DCC: variants seen among roughly 807,000 people sequenced by gnomAD.
DCC encodes DCC netrin 1 receptor.
Under a neutral mutation model 172.5 loss-of-function variants are expected in DCC, and 58 were observed. The observed-to-expected ratio is 0.34, with a 90% CI of 0.27 to 0.42. The LOEUF is 0.42. Among genes scored for constraint, DCC ranks in the 10% least tolerant of loss-of-function variants. The pLI, the probability that DCC is intolerant of heterozygous loss-of-function variation, is 1.00. For missense variants in DCC, 1,740 were observed against 1,791.0 expected (o/e 0.97, Z 0.51); for synonymous variants, 709 against 644.5 (o/e 1.10, Z -1.52).
At chr18:52,739,491 TA>T in intron 1 of DCC, among the ~76,000 whole-genome samples, 1 of 152,232 alleles carries the variant, frequency 6.6e-6, no homozygotes, top group South Asian at 2.1e-4. Context: ...TTCTCAAAAA[TA>T]TGATCTGCAA....
intron 5 of DCC, among the ~76,000 whole-genome samples, chr18:52,932,210 C>G (rs1235655691): frequency 6.6e-6 from 1 of 152,092 alleles, no homozygotes; most frequent in Admixed American, 6.6e-5. Flanking sequence ...TTCTTATGTT[C>G]AATACGTCCA....
intron 14 of DCC, among the ~76,000 whole-genome samples, chr18:53,332,556 A>G (rs2144851160): frequency 6.6e-6 from 1 of 152,304 alleles, no homozygotes; most frequent in South Asian, 2.1e-4. Flanking sequence ...GAACAAGAAT[A>G]AAACCTATAT....
chr18:52,524,245 A>G (rs954832730), intron 1 of DCC, among the ~76,000 whole-genome samples: 1 of 152,248 alleles, frequency 6.6e-6, no homozygotes, highest in Non-Finnish European at 1.5e-5. Context: ...AGAAGCTTCA[A>G]TAGTATGTTT....
intron 12 of DCC, among the ~76,000 whole-genome samples, chr18:53,266,370 A>AT (rs1360847108): frequency 5.3e-5 from 8 of 151,978 alleles, no homozygotes; most frequent in Non-Finnish European, 1.2e-4. Flanking sequence ...CACTTAATAC[A>AT]TTTTTTTATT....
chr18:53,264,582 G>A (rs1167293730), intron 12 of DCC, among the ~76,000 whole-genome samples: 3 of 151,846 alleles, frequency 2.0e-5, no homozygotes, highest in Non-Finnish European at 2.9e-5. Context: ...TGTGATTAAC[G>A]GTCCTCTTCC....
intron 2 of DCC, among the ~76,000 whole-genome samples, chr18:52,815,729 A>G (rs910376451): frequency 4.6e-5 from 7 of 152,238 alleles, no homozygotes; most frequent in Admixed American, 6.5e-5. Flanking sequence ...CATAAAAGCT[A>G]AAACATCAAT....
chr18:53,330,440 C>T (rs986411817), intron 14 of DCC, among the ~76,000 whole-genome samples: 2 of 152,174 alleles, frequency 1.3e-5, no homozygotes, highest in Non-Finnish European at 2.9e-5. Context: ...TCCACACCCA[C>T]CACCACACTT....
At chr18:53,049,633 G>A (rs544150029) in intron 5 of DCC, among the ~76,000 whole-genome samples, 10 of 152,076 alleles carry the variant, frequency 6.6e-5, no homozygotes, top group South Asian at 6.2e-4. Flanking sequence ...CTCCAGCTTC[G>A]TTCTTTCTGC....
chr18:52,949,883 C>T (rs1265434015), intron 5 of DCC, among the ~76,000 whole-genome samples: 1 of 152,158 alleles, frequency 6.6e-6, no homozygotes, highest in Non-Finnish European at 1.5e-5. Context: ...TCTTTAGTCT[C>T]AATTTGAGTT....
rs549649973 is a variant in DCC at position 53,192,303 on chromosome 18, T to G, written c.1574-12913T>G. On this transcript the variant is annotated intron_variant, in intron 9 of 28. Coordinates refer to ENST00000442544, the MANE Select transcript of DCC (RefSeq NM_005215.4). ...TACCTGGGTTCATTGTTACTGGAATTTTTATTGTTGCTGCTATTGGGAAAG... is the reference window on the plus strand; with the variant it reads ...TACCTGGGTTCATTGTTACTGGAATGTTTATTGTTGCTGCTATTGGGAAAG... 5.9e-5 allele frequency among the ~76,000 whole-genome samples: 9 copies of G among 152,314 alleles called. No homozygotes were observed. In the East Asian group the frequency reaches 1.7e-3, roughly 29 times the overall value.
intron 26 of DCC, among the ~76,000 whole-genome samples, chr18:53,494,088 A>G (rs185327175): frequency 2.3e-3 from 349 of 152,324 alleles, no homozygotes; most frequent in Admixed American, 4.4e-3. Context: ...TTATTTACCC[A>G]GTAGTCATTC....
At chr18:52,845,640 G>A (rs2145327929) in intron 2 of DCC, among the ~76,000 whole-genome samples, 1 of 152,292 alleles carries the variant, frequency 6.6e-6, no homozygotes, top group Admixed American at 6.5e-5. Flanking sequence ...GTAAAAGATT[G>A]CTCCTCCATC....
At chr18:52,726,343 TGATTC>T in intron 1 of DCC, among the ~76,000 whole-genome samples, 1 of 152,308 alleles carries the variant, frequency 6.6e-6, no homozygotes, top group East Asian at 1.9e-4. Context: ...AAGAATCTAG[TGATTC>T]TTGCGTAGTA....
chr18:52,990,871 C>T (rs1430006609), intron 5 of DCC, among the ~76,000 whole-genome samples: 3 of 152,184 alleles, frequency 2.0e-5, no homozygotes, highest in Admixed American at 1.3e-4. Context: ...GTAGGTTTAA[C>T]GAACATCTTT....
intron 7 of DCC, among the ~76,000 whole-genome samples, chr18:53,069,313 G>T (rs1599094438): frequency 1.3e-5 from 2 of 152,170 alleles, no homozygotes; most frequent in African/African-American, 4.8e-5. Flanking sequence ...TGTCCACAAT[G>T]CAGGGAAGAG....
chr18:52,640,499 G>T (rs891188518), intron 1 of DCC, among the ~76,000 whole-genome samples: 1 of 151,958 alleles, frequency 6.6e-6, no homozygotes, highest in East Asian at 1.9e-4. Flanking sequence ...ACTGATAAAA[G>T]AATTCAGCAA....
At chr18:52,918,138 C>G (rs561383912) in intron 3 of DCC, among the ~76,000 whole-genome samples, 18 of 152,082 alleles carry the variant, frequency 1.2e-4, no homozygotes, top group African/African-American at 4.3e-4. Flanking sequence ...TGGAAAATGA[C>G]CATGTATGTG....
At chr18:52,821,129 T>C (rs955619650) in intron 2 of DCC, among the ~76,000 whole-genome samples, 3 of 152,230 alleles carry the variant, frequency 2.0e-5, no homozygotes, top group Admixed American at 2.0e-4. Flanking sequence ...CATTTTCTAG[T>C]TACCAAAGAA....
intron 5 of DCC, among the ~76,000 whole-genome samples, chr18:52,948,470 C>T (rs1196820776): frequency 1.3e-5 from 2 of 152,244 alleles, no homozygotes; most frequent in East Asian, 1.9e-4. Flanking sequence ...ATACCGGATA[C>T]TGTGCAATAT....
Sources: gnomAD v4.1 joint callset for allele counts (sites outside exome capture counted in the v4.1 genomes callset) on GRCh38, gnomAD v4.1.1 for gene constraint, MANE v1.5 for transcripts, NCBI Gene and HGNC (gene_info 2026-07-23, HGNC 2026-07-21) for gene names.